Variants in HEMK2 observed in about 807,000 individuals in gnomAD.
The protein encoded by HEMK2 is methyltransferase HEMK2.
chr21:28,624,676 T>G, the HEMK2 span, among the ~76,000 whole-genome samples: 2 of 152,134 alleles, frequency 1.3e-5, no homozygotes, highest in Non-Finnish European at 2.9e-5. Flanking sequence ...TGGAAAGATC[T>G]GAGAAGAATA....
chr21:28,753,271 C>T, the HEMK2 span, among the ~76,000 whole-genome samples: 1 of 151,268 alleles, frequency 6.6e-6, no homozygotes, highest in South Asian at 2.1e-4. Context: ...GCAGGAGAAT[C>T]GCTCAAACCC....
chr21:28,620,623 C>A, the HEMK2 span, among the ~76,000 whole-genome samples: 2 of 123,716 alleles, frequency 1.6e-5, no homozygotes, highest in African/African-American at 6.2e-5. Flanking sequence ...TTCCCTTTAT[C>A]ATTTTTTATT....
the HEMK2 span, among the ~76,000 whole-genome samples, chr21:28,628,707 G>A: frequency 6.6e-6 from 1 of 152,194 alleles, no homozygotes; most frequent in Admixed American, 6.5e-5. Flanking sequence ...GCCCACCTTG[G>A]CCTCCCAAAG....
chr21:28,877,955 T>C, the HEMK2 span, among the ~76,000 whole-genome samples: 1 of 152,140 alleles, frequency 6.6e-6, no homozygotes, highest in Non-Finnish European at 1.5e-5. Flanking sequence ...TACTTGAATA[T>C]TAGGTTATAA....
At chr21:28,757,106 A>AAG in the HEMK2 span, among the ~76,000 whole-genome samples, 14 of 152,212 alleles carry the variant, frequency 9.2e-5, no homozygotes, top group Admixed American at 4.6e-4. Context: ...TTCTATAGTA[A>AAG]AGATGCTACA....
chr21:28,688,165 T>C, the HEMK2 span, among the ~76,000 whole-genome samples: 1 of 152,210 alleles, frequency 6.6e-6, no homozygotes, highest in Admixed American at 6.5e-5. Flanking sequence ...AGGAAACCTC[T>C]CTCAAACTGC....
At chr21:28,688,212 A>G in the HEMK2 span, among the ~76,000 whole-genome samples, 34 of 152,206 alleles carry the variant, frequency 2.2e-4, no homozygotes, top group Non-Finnish European at 4.4e-4. Context: ...ATGAGAGTAC[A>G]TTGCCCATTC....
At chr21:28,784,075 C>T in the HEMK2 span, among the ~76,000 whole-genome samples, 8 of 152,208 alleles carry the variant, frequency 5.3e-5, no homozygotes, top group East Asian at 1.9e-4. Context: ...TGAGCCTCCC[C>T]GACGAGCGCC....
chr21:28,845,503 A>T, the HEMK2 span, among the ~76,000 whole-genome samples: 2 of 152,058 alleles, frequency 1.3e-5, no homozygotes, highest in Non-Finnish European at 1.5e-5. Flanking sequence ...ATGTTTATAC[A>T]CTCACTAGGT....
chr21:28,679,721 G>C, the HEMK2 span, among the ~76,000 whole-genome samples: 88 of 152,072 alleles, frequency 5.8e-4, no homozygotes, highest in Middle Eastern at 6.8e-3. Flanking sequence ...CAGTGCAATC[G>C]AACTAGAACT....
the HEMK2 span, among the ~76,000 whole-genome samples, chr21:28,756,545 G>GT: frequency 6.6e-6 from 1 of 152,056 alleles, no homozygotes; most frequent in South Asian, 2.1e-4. Flanking sequence ...CATTAAATAT[G>GT]TATCATTTCA....
the HEMK2 span, among the ~76,000 whole-genome samples, chr21:28,650,468 T>C: frequency 6.6e-6 from 1 of 151,766 alleles, no homozygotes; most frequent in African/African-American, 2.4e-5. Flanking sequence ...TGGAAAGGAA[T>C]AGAGAGAATT....
chr21:28,599,435 A>T, the HEMK2 span, among the ~76,000 whole-genome samples: 7 of 152,206 alleles, frequency 4.6e-5, no homozygotes, highest in Non-Finnish European at 7.3e-5. Context: ...AGATCTTGTG[A>T]GACTTAATCA....
At chr21:28,665,739 T>C in the HEMK2 span, among the ~76,000 whole-genome samples, 2 of 151,668 alleles carry the variant, frequency 1.3e-5, no homozygotes, top group Non-Finnish European at 2.9e-5. Context: ...TTACTGGGTA[T>C]ATACCCAAAG....
chr21:28,864,820 C>CAGACAGAT, the HEMK2 span, among the ~76,000 whole-genome samples: 160 of 119,206 alleles, frequency 1.3e-3, no homozygotes, highest in Non-Finnish European at 1.9e-3. Flanking sequence ...GACAGACAGA[C>CAGACAGAT]AGATAGATAG....
chr21:28,866,158 AAACAAAC>A, the HEMK2 span, among the ~76,000 whole-genome samples: 36 of 92,242 alleles, frequency 3.9e-4, 3 homozygotes, highest in East Asian at 1.4e-3. Flanking sequence ...GAAAAAACAA[AAACAAAC>A]AAAAAAAAAA....
chr21:28,607,915 C>G, the HEMK2 span, among the ~76,000 whole-genome samples: 21 of 152,126 alleles, frequency 1.4e-4, no homozygotes, highest in African/African-American at 4.8e-4. Context: ...AAGATATTAA[C>G]AGTTTGCATC....
the HEMK2 span, chr21:28,878,265 A>G: frequency 6.2e-7 from 1 of 1,609,686 alleles, no homozygotes; most frequent in Middle Eastern, 1.7e-4. Flanking sequence ...CCAGGGGAAA[A>G]AACCTGTCCA....
the HEMK2 span, among the ~76,000 whole-genome samples, chr21:28,690,070 G>T: frequency 6.6e-6 from 1 of 152,098 alleles, no homozygotes; most frequent in Non-Finnish European, 1.5e-5. Context: ...CTTACACAGC[G>T]GCAGGCAAGA....
Sources: allele counts gnomAD v4.1 joint callset (sites outside exome capture counted in the v4.1 genomes callset), GRCh38; gene constraint gnomAD v4.1.1; transcripts MANE v1.5; gene names NCBI Gene and HGNC (gene_info 2026-07-23, HGNC 2026-07-21).